Variants in DIAPH2 observed in about 807,000 individuals in gnomAD.
DIAPH2 encodes protein diaphanous homolog 2.
Under a neutral mutation model 92.7 loss-of-function variants are expected in DIAPH2, and 35 were observed. That is an observed-to-expected ratio of 0.38 (90% confidence interval 0.29 to 0.50). The LOEUF (loss-of-function observed/expected upper bound fraction) is 0.50. Ranked by LOEUF, DIAPH2 falls within the 20% of genes least tolerant of loss-of-function variation. DIAPH2 has a pLI of 0.94. For missense variants in DIAPH2, 701 were observed against 819.5 expected (o/e 0.86, Z 1.77); for synonymous variants, 301 against 280.4 (o/e 1.07, Z -0.73).
At chrX:97,283,360 G>T (rs1258629662) in intron 23 of DIAPH2, among the ~76,000 whole-genome samples, 3 of 111,336 alleles carry the variant, frequency 2.7e-5, no homozygotes, top group Non-Finnish European at 5.6e-5. Flanking sequence ...TGAAACTGAG[G>T]TGCATAAGGT....
At chrX:96,845,183 A>T (rs1451849807) in intron 4 of DIAPH2, among the ~76,000 whole-genome samples, 1 of 111,376 alleles carries the variant, frequency 9.0e-6, no homozygotes, top group Admixed American at 9.6e-5. Context: ...TTGCACTGCA[A>T]TTTTTCTGCC....
At chrX:96,804,683 G>T (rs2064610295) in intron 4 of DIAPH2, among the ~76,000 whole-genome samples, 1 of 111,663 alleles carries the variant, frequency 9.0e-6, no homozygotes, top group African/African-American at 3.3e-5. Context: ...AGTAGAGCTA[G>T]ATCATTCTAA....
intron 23 of DIAPH2, among the ~76,000 whole-genome samples, chrX:97,334,472 A>AAAAAC (rs2069033289): frequency 3.6e-5 from 3 of 84,440 alleles, no homozygotes; most frequent in Admixed American, 1.5e-4. Context: ...CAAAAAAAAA[A>AAAAAC]AAAAAACAAA....
Position 97,334,998 on chromosome X carries a change from C to CAA in DIAPH2, c.2845-13101_2845-13100dup, listed in dbSNP as rs746536131. On this transcript the variant is annotated intron_variant, in intron 23 of 26. Transcript: ENST00000324765. ...TTCGTCTCAAAAAACAAAAACAAAA[C>CAA]AAAAAAAAAAAAAAAAAAGAGGAAG... Among the ~76,000 whole-genome samples the CAA allele has an allele frequency of 7.6e-4, 24 of 31,450 alleles. 1 individual carries two copies. In the South Asian group the frequency reaches 0.022, roughly 29 times the overall value. 27.3% of individuals were successfully genotyped at this position (31,450 alleles called of 115,157 possible). A position where few individuals can be genotyped will look rare whatever the true frequency, so the allele number is the denominator to read the frequency against.
intron 17 of DIAPH2, among the ~76,000 whole-genome samples, chrX:97,065,503 T>G (rs2066627936): frequency 8.9e-6 from 1 of 111,810 alleles, no homozygotes; most frequent in African/African-American, 3.3e-5. Flanking sequence ...AATGCATTAC[T>G]CACATGTTTG....
intron 26 of DIAPH2, among the ~76,000 whole-genome samples, chrX:97,480,703 C>T (rs1025328923): frequency 3.6e-5 from 4 of 111,003 alleles, no homozygotes; most frequent in Non-Finnish European, 5.7e-5. Flanking sequence ...AAACCCTGAT[C>T]AGCTGAATTA....
At chrX:97,026,017 C>G (rs1169405274) in intron 17 of DIAPH2, among the ~76,000 whole-genome samples, 1 of 111,957 alleles carries the variant, frequency 8.9e-6, no homozygotes, top group East Asian at 2.8e-4. Context: ...ATAGTCTGTG[C>G]TCTTGCCTGA....
At chrX:96,894,254 GT>G (rs202232924) in intron 5 of DIAPH2, among the ~76,000 whole-genome samples, 14,096 of 101,324 alleles carry the variant, frequency 0.14, 819 homozygotes, top group East Asian at 0.31. Context: ...TACTGCTACA[GT>G]TTTTTTTTTT....
At chrX:96,739,613 C>T (rs769392138) in intron 3 of DIAPH2, among the ~76,000 whole-genome samples, 42 of 111,855 alleles carry the variant, frequency 3.8e-4, no homozygotes, top group African/African-American at 1.3e-3. Flanking sequence ...GTTTATTTCT[C>T]TCCTGCACCT....
intron 22 of DIAPH2, among the ~76,000 whole-genome samples, chrX:97,223,028 T>C (rs1485909054): frequency 1.8e-5 from 2 of 110,524 alleles, no homozygotes; most frequent in East Asian, 5.7e-4. Context: ...GGAGTCTCCC[T>C]ATCTTGTCTA....
chrX:97,158,942 T>G (rs1273876401), intron 22 of DIAPH2, among the ~76,000 whole-genome samples: 1 of 112,335 alleles, frequency 8.9e-6, no homozygotes, highest in Non-Finnish European at 1.9e-5. Flanking sequence ...TATATACAGA[T>G]TTTTAAAAAC....
intron 19 of DIAPH2, among the ~76,000 whole-genome samples, chrX:97,079,904 A>G (rs957630264): frequency 3.6e-5 from 4 of 111,564 alleles, no homozygotes; most frequent in African/African-American, 1.3e-4. Flanking sequence ...TCAGATTATA[A>G]TGACTTATTT....
At chrX:97,597,157 C>T in intron 26 of DIAPH2, among the ~76,000 whole-genome samples, 1 of 111,052 alleles carries the variant, frequency 9.0e-6, no homozygotes, top group Admixed American at 9.6e-5. Flanking sequence ...ACAAATTAGG[C>T]ATCCAGAGAG....
rs180670847 is a variant in DIAPH2, at chrX:96,966,525, A to G, written c.2050+1318A>G. On this transcript the variant is annotated intron_variant, in intron 17 of 26. Coordinates refer to ENST00000324765, the MANE Select transcript of DIAPH2 (RefSeq NM_006729.5). ...AGAAATAGTCTATGCCTCTCAACAC[A>G]TATGTGCATTTATCATTTTTTGTTT... Among the ~76,000 whole-genome samples the G allele has an allele frequency of 7.4e-4, 83 of 112,138 alleles. 1 individual carries two copies. The highest frequency in any genetic ancestry group is 2.6e-3 in the African/African-American group (79 of 30,959).
At position 97,481,909 on chromosome X, in the gene DIAPH2, C is replaced by T. The variant is rs1373673054; in HGVS notation, c.3241+52164C>T. Among the ~76,000 whole-genome samples, 4 of 112,029 alleles carry T rather than the reference C, an allele frequency of 3.6e-5. No homozygotes were observed. In the South Asian group the frequency reaches 1.5e-3, roughly 42 times the overall value. On this transcript the variant is annotated intron_variant, in intron 26 of 26. Coordinates refer to ENST00000324765, the MANE Select transcript of DIAPH2 (RefSeq NM_006729.5). ...TAAATGAAGACAATATATTCTAAGA[C>T]TCTGGTACAGAATTTCTGGTTAACA...
At chrX:97,080,915 A>G (rs184310464) in intron 19 of DIAPH2, among the ~76,000 whole-genome samples, 1 of 112,027 alleles carries the variant, frequency 8.9e-6, no homozygotes, top group East Asian at 2.8e-4. Flanking sequence ...GCTATCGACC[A>G]TCTGTATTTT....
At chrX:96,749,145 A>AATATAT (rs56745873) in intron 3 of DIAPH2, among the ~76,000 whole-genome samples, 122 of 79,783 alleles carry the variant, frequency 1.5e-3, no homozygotes, top group African/African-American at 6.1e-3. Context: ...AAAAAAAAAA[A>AATATAT]ATATATATAT....
intron 4 of DIAPH2, among the ~76,000 whole-genome samples, chrX:96,775,353 T>TTGTGTGTGGG (rs1556146393): frequency 1.1e-5 from 1 of 89,364 alleles, no homozygotes; most frequent in African/African-American, 4.0e-5. Flanking sequence ...CAACGTGTGC[T>TTGTGTGTGGG]TGTGTGTGTG....
In DIAPH2 at chrX:96,908,973, C is replaced by T. The variant is rs138113756; in HGVS notation, c.588-3355C>T. On this transcript the variant is annotated intron_variant, in intron 5 of 26. Transcript: ENST00000324765. ...TGGTTGGGAGGGCATGTAAAGCAGC[C>T]TTGAGTTCTGAGCCTGAGTCTTGCC... 7.9e-3 allele frequency among the ~76,000 whole-genome samples: 879 copies of T among 111,777 alleles called. 8 individuals carry two copies. The highest frequency in any genetic ancestry group is 0.027 in the African/African-American group (845 of 30,810).
Sources: allele counts gnomAD v4.1 joint callset (sites outside exome capture counted in the v4.1 genomes callset), GRCh38; gene constraint gnomAD v4.1.1; transcripts MANE v1.5; gene names NCBI Gene and HGNC (gene_info 2026-07-23, HGNC 2026-07-21).